The following SH3TC2 variants were observed in gnomAD, a reference collection of about 807,000 sequenced individuals.
SH3TC2 encodes the protein SH3 domain and tetratricopeptide repeat-containing protein 2.
SH3TC2 carries 87 observed loss-of-function variants against 124.5 expected under a neutral mutation model. That is an observed-to-expected ratio of 0.70 (90% CI 0.59 to 0.84). SH3TC2 has a LOEUF of 0.84. Ranked by LOEUF, SH3TC2 falls within the 40% of genes least tolerant of loss-of-function variation. SH3TC2 has a pLI of 0.00. For missense variants in SH3TC2, 1,536 were observed against 1,566.4 expected (o/e 0.98, Z 0.33); for synonymous variants, 634 against 628.5 (o/e 1.01, Z -0.13).
intron 8 of SH3TC2, among the ~76,000 whole-genome samples, chr5:149,032,330 G>T (rs535188933): frequency 5.3e-5 from 8 of 152,326 alleles, no homozygotes; most frequent in African/African-American, 1.9e-4. Flanking sequence ...TAAAGATCTT[G>T]ATACTCATGC....
At chr5:149,031,113 A>G (rs1247165466) in intron 9 of SH3TC2, among the ~76,000 whole-genome samples, 1 of 152,224 alleles carries the variant, frequency 6.6e-6, no homozygotes, top group African/African-American at 2.4e-5. Flanking sequence ...TAGCTCAGGC[A>G]CTAATTCGTT....
chr5:149,052,940 G>A (rs951637090), intron 1 of SH3TC2, among the ~76,000 whole-genome samples: 1 of 152,174 alleles, frequency 6.6e-6, no homozygotes, highest in African/African-American at 2.4e-5. Context: ...TGTAGAACAT[G>A]GGTCTCCTTT....
rs965357189 is a variant in SH3TC2, at chr5:148,991,141, C to T, written c.*13570G>A. ...CCCTTTAAAACACCAGGAACATTCA[C>T]AGCAAAAGACCAATAACTACACATG... On this transcript the variant is annotated 3_prime_UTR_variant, in exon 17 of 17. Transcript: ENST00000515425. Among the ~76,000 whole-genome samples, 3 of 152,172 alleles carry T rather than the reference C, an allele frequency of 2.0e-5. No homozygotes were observed. The highest frequency in any genetic ancestry group is 4.4e-5 in the Non-Finnish European group (3 of 68,036).
rs1753314207 is a variant in SH3TC2, at chr5:148,985,231, A to T, written c.*19480T>A. On this transcript the variant is annotated 3_prime_UTR_variant, in exon 17 of 17. Coordinates refer to ENST00000515425, the MANE Select transcript of SH3TC2 (RefSeq NM_024577.4). ...ACTACTCATTTGAGGGTACCCTGTTATGAAGGTATAATTTATATATAATAA... is the reference window on the plus strand; with the variant it reads ...ACTACTCATTTGAGGGTACCCTGTTTTGAAGGTATAATTTATATATAATAA... 6.6e-6 allele frequency among the ~76,000 whole-genome samples: 1 copy of T among 152,044 alleles called. No homozygotes were observed. The highest frequency in any genetic ancestry group is 2.1e-4 in the South Asian group (1 of 4,832).
chr5:149,040,559 C>A (rs1296781211), intron 7 of SH3TC2, 45 bp downstream of exon 7: 2 of 1,548,444 alleles, frequency 1.3e-6, no homozygotes, highest in Non-Finnish European at 8.9e-7. Flanking sequence ...AGAGGCAGGA[C>A]AACATTATCT....
At position 148,984,505 on chromosome 5, in the gene SH3TC2, A is replaced by T. The variant is rs1753301839; in HGVS notation, c.*20206T>A. ...GCCTTGTCTGGGCTCATGACTCATGAGGAAGGTATGCAGGAAGAGGGAAAA... is the reference window on the plus strand; with the variant it reads ...GCCTTGTCTGGGCTCATGACTCATGTGGAAGGTATGCAGGAAGAGGGAAAA... On this transcript the variant is annotated 3_prime_UTR_variant, in exon 17 of 17. Transcript: ENST00000515425. Among the ~76,000 whole-genome samples the T allele has an allele frequency of 6.6e-6, 1 of 152,196 alleles. No homozygotes were observed. The highest frequency in any genetic ancestry group is 1.5e-5 in the Non-Finnish European group (1 of 68,038).
Position 149,003,797 on chromosome 5 carries a change from G to A in SH3TC2, c.*914C>T. On this transcript the variant is annotated 3_prime_UTR_variant, in exon 17 of 17. Transcript: ENST00000515425. ...GCCCCGGAGTCTGAGGTCGCAGGAA[G>A]CCCTGACTGTACCACTGAACTCCAG... is the stretch of plus-strand genomic sequence containing the variant. 1 of 432,176 alleles carries A rather than the reference G, an allele frequency of 2.3e-6. No individual in the cohort carries two copies. Among genetic ancestry groups the A allele is most frequent in the East Asian group, 7.5e-5 (1 of 13,344 alleles). The allele number at this position is 432,176 out of a possible 1,614,324, so 26.8% of individuals were successfully genotyped here.
At chr5:149,040,485 C>T (rs1490680032) in intron 7 of SH3TC2, 119 bp downstream of exon 7, 9 of 914,016 alleles carry the variant, frequency 9.8e-6, no homozygotes, top group Non-Finnish European at 1.6e-5. Context: ...TCCCTAAATC[C>T]AGTTCCTAGC....
chr5:149,044,116 T>C (rs1217914700), intron 4 of SH3TC2: 1 of 189,504 alleles, frequency 5.3e-6, no homozygotes, highest in Non-Finnish European at 1.1e-5. Context: ...TCCAAATACA[T>C]GCAATAAAAC....
At chr5:149,061,606 G>A (rs1010527680) in intron 1 of SH3TC2, among the ~76,000 whole-genome samples, 1 of 152,150 alleles carries the variant, frequency 6.6e-6, no homozygotes, top group African/African-American at 2.4e-5. Flanking sequence ...ACACAGAGAA[G>A]TTAAATAAGT....
chr5:149,059,965 A>G (rs979847695), intron 1 of SH3TC2, among the ~76,000 whole-genome samples: 3 of 152,320 alleles, frequency 2.0e-5, no homozygotes, highest in Middle Eastern at 3.4e-3. Flanking sequence ...AATATCCTCT[A>G]TTATCAGTAG....
chr5:149,058,423 T>C (rs1754687975), intron 1 of SH3TC2, among the ~76,000 whole-genome samples: 1 of 152,188 alleles, frequency 6.6e-6, no homozygotes, highest in Admixed American at 6.5e-5. Flanking sequence ...TGTTTCAATG[T>C]GCATTTCCCT....
rs1431870373 is a variant in SH3TC2 at position 149,026,311 on chromosome 5, A to C, written c.3053+261T>G. ...ATGAGCATTAACTCATTTATCCTTC[A>C]CAATAACACTATAAGATAGATGCCA... On this transcript the variant is annotated intron_variant, in intron 12 of 16. Transcript: ENST00000515425. 2.9e-5 allele frequency: 15 copies of C among 525,338 alleles called. No individual in the cohort carries two copies. The South Asian group carries it at 3.2e-4, about 11-fold the overall frequency. 32.5% of individuals were successfully genotyped at this position (525,338 alleles called of 1,614,324 possible). A position where few individuals can be genotyped will look rare whatever the true frequency, so the allele number is the denominator to read the frequency against.
chr5:149,009,057 A>G (rs1753740114), intron 14 of SH3TC2, 56 bp from the exon 15 acceptor site: 1 of 1,607,934 alleles, frequency 6.2e-7, no homozygotes, highest in South Asian at 1.1e-5. Context: ...AGTGCATACC[A>G]TAGCTAGGAG....
intron 9 of SH3TC2, 60 bp downstream of exon 9, chr5:149,031,494 G>A: frequency 6.2e-7 from 1 of 1,609,770 alleles, no homozygotes; most frequent in South Asian, 1.1e-5. Flanking sequence ...CCTGGTTAGG[G>A]ACACTATCTT....
chr5:149,014,056 C>G (rs576869134), intron 12 of SH3TC2, among the ~76,000 whole-genome samples: 8 of 152,188 alleles, frequency 5.3e-5, no homozygotes, highest in Non-Finnish European at 8.8e-5. Flanking sequence ...AAATAACTTA[C>G]ATATGTTTGC....
chr5:149,030,670 T>C (rs909895887), intron 9 of SH3TC2, among the ~76,000 whole-genome samples: 1 of 152,262 alleles, frequency 6.6e-6, no homozygotes, highest in African/African-American at 2.4e-5. Context: ...ACACTCTTTA[T>C]GCACGGACAT....
intron 12 of SH3TC2, 48 bp from the exon 13 acceptor site, chr5:149,012,782 T>C: frequency 6.2e-7 from 1 of 1,607,512 alleles, no homozygotes; most frequent in Non-Finnish European, 8.5e-7. Context: ...AAAGGGGCCT[T>C]AGGGTCCACT....
intron 16 of SH3TC2, 131 bp from the exon 17 acceptor site, chr5:149,005,033 T>C: frequency 9.4e-7 from 1 of 1,066,074 alleles, no homozygotes; most frequent in Admixed American, 2.0e-5. Context: ...CAACATCCAA[T>C]CCCCATCTCC....
Sources: allele counts gnomAD v4.1 joint callset (sites outside exome capture counted in the v4.1 genomes callset), GRCh38; gene constraint gnomAD v4.1.1; transcripts MANE v1.5; gene names NCBI Gene and HGNC (gene_info 2026-07-23, HGNC 2026-07-21).